Variants in VSTM4 observed in about 807,000 individuals in gnomAD.
VSTM4 encodes V-set and transmembrane domain containing 4, also known as V-set and transmembrane domain-containing protein 4.
VSTM4 carries 20 observed loss-of-function variants against 36.4 expected under a neutral mutation model. That is an observed-to-expected ratio of 0.55 (90% CI 0.39 to 0.80). The LOEUF is 0.80. Among genes scored for constraint, VSTM4 ranks in the 30% least tolerant of loss-of-function variants. The pLI is 0.00. For missense variants in VSTM4, 392 were observed against 404.5 expected, an observed-to-expected ratio of 0.97 and a Z score of 0.26; for synonymous variants, 182 against 173.9, an observed-to-expected ratio of 1.05 and a Z score of -0.37.
At chr10:49,027,890 A>T (rs1439265690) in intron 7 of VSTM4, among the ~76,000 whole-genome samples, 1 of 152,202 alleles carries the variant, frequency 6.6e-6, no homozygotes, top group East Asian at 1.9e-4. Context: ...AGTTGTTATA[A>T]ACGTTCAAAT....
intron 7 of VSTM4, among the ~76,000 whole-genome samples, chr10:49,040,498 C>T (rs116076535): frequency 2.2e-3 from 329 of 152,140 alleles, no homozygotes; most frequent in African/African-American, 7.5e-3. Flanking sequence ...ATTGGCCGGG[C>T]GAGTCTCAAA....
chr10:49,081,985 C>T (rs1387203130), intron 3 of VSTM4, among the ~76,000 whole-genome samples: 1 of 152,192 alleles, frequency 6.6e-6, no homozygotes, highest in Non-Finnish European at 1.5e-5. Flanking sequence ...GATAACCACC[C>T]TGCTGTGTCC....
intron 3 of VSTM4, among the ~76,000 whole-genome samples, chr10:49,085,349 T>C (rs1844351905): frequency 6.6e-6 from 1 of 152,260 alleles, no homozygotes; most frequent in South Asian, 2.1e-4. Context: ...CAGGCATTCA[T>C]GTTCTTAACA....
At chr10:49,103,627 C>T in intron 2 of VSTM4, 1 of 1,505,322 alleles carries the variant, frequency 6.6e-7, no homozygotes. Context: ...TATATCATCG[C>T]AAGTCACCCT....
intron 2 of VSTM4, among the ~76,000 whole-genome samples, chr10:49,100,592 A>C (rs1324747721): frequency 2.0e-5 from 3 of 152,114 alleles, no homozygotes; most frequent in African/African-American, 4.8e-5. Context: ...TAAAAAAAAA[A>C]CCCTGACTAC....
At chr10:49,072,054 G>A (rs1338971893) in intron 4 of VSTM4, among the ~76,000 whole-genome samples, 1 of 152,242 alleles carries the variant, frequency 6.6e-6, no homozygotes, top group African/African-American at 2.4e-5. Context: ...AAAGTTAAGA[G>A]TGTTGCAGGT....
At chr10:49,105,359 C>T (rs1180005941) in intron 2 of VSTM4, among the ~76,000 whole-genome samples, 2 of 113,904 alleles carry the variant, frequency 1.8e-5, no homozygotes, top group Admixed American at 8.7e-5. Flanking sequence ...AGAGATATAC[C>T]AAGAGACAGA....
At chr10:49,095,642 A>G (rs151037829) in intron 2 of VSTM4, among the ~76,000 whole-genome samples, 550 of 152,282 alleles carry the variant, frequency 3.6e-3, no homozygotes, top group Non-Finnish European at 6.3e-3. Context: ...CTGTGCCCCA[A>G]GCGAAGTCCC....
At chr10:49,064,185 T>C (rs1229941545) in intron 5 of VSTM4, 3 of 153,234 alleles carry the variant, frequency 2.0e-5, no homozygotes, top group African/African-American at 7.2e-5. Context: ...GTTTAAAGCT[T>C]TACTCAGCAG....
At chr10:49,105,719 A>G (rs1334184281) in intron 2 of VSTM4, among the ~76,000 whole-genome samples, 1 of 152,164 alleles carries the variant, frequency 6.6e-6, no homozygotes, top group East Asian at 1.9e-4. Flanking sequence ...AAGCTTTTAT[A>G]TGCTTTATTT....
At chr10:49,022,603 AC>A (rs1307709133) in intron 7 of VSTM4, among the ~76,000 whole-genome samples, 1 of 151,970 alleles carries the variant, frequency 6.6e-6, no homozygotes, top group Non-Finnish European at 1.5e-5. Flanking sequence ...GCCTTTTGAC[AC>A]CAAAAGTCTT....
At chr10:49,068,815 C>T (rs964720653) in intron 4 of VSTM4, among the ~76,000 whole-genome samples, 6 of 152,098 alleles carry the variant, frequency 3.9e-5, no homozygotes, top group East Asian at 3.9e-4. Context: ...ATAAAGGGTG[C>T]GTAATGGAGC....
In VSTM4 at chr10:49,017,992, G is replaced by C. The variant is rs1246033091; in HGVS notation, c.*1658C>G. 1 of 152,218 alleles carries C rather than the reference G, an allele frequency of 6.6e-6. No homozygotes were observed. Among genetic ancestry groups the C allele is most frequent in the Non-Finnish European group, 1.5e-5 (1 of 68,040 alleles). 9.4% of individuals were successfully genotyped at this position (152,218 alleles called of 1,614,324 possible). On this transcript the variant is annotated 3_prime_UTR_variant, in exon 8 of 8. Coordinates refer to ENST00000332853, the MANE Select transcript of VSTM4 (RefSeq NM_001031746.5). ...TTCAGTGCCTTCGAGATCTGGCAGA[G>C]AGGGAGGAATGAGACACAGGTGTTA...
chr10:49,044,442 GAAGGA>G (rs1234036434), intron 7 of VSTM4, among the ~76,000 whole-genome samples: 9 of 142,504 alleles, frequency 6.3e-5, no homozygotes, highest in African/African-American at 2.3e-4. Flanking sequence ...AAGAAGGAAG[GAAGGA>G]GAGAAAGAAA....
Position 49,115,515 on chromosome 10 carries a change from G to C in VSTM4, c.-30C>G, listed in dbSNP as rs1844981471. The C allele has an allele frequency of 6.1e-6, 6 of 982,132 alleles. No individual in the cohort carries two copies. In the African/African-American group the frequency reaches 7.1e-5, roughly 12 times the overall value. The allele number at this position is 982,132 out of a possible 1,614,324, so 60.8% of individuals were successfully genotyped here. On this transcript the variant is annotated 5_prime_UTR_variant, in exon 1 of 8. Transcript: ENST00000332853. ...CCGCCGCCGCCCGGCGCTGTGACGC[G>C]GGAGAGCGCCGCCGCCTGGCCCGGC... is the stretch of plus-strand genomic sequence containing the variant.
At chr10:49,079,049 C>G (rs1844231526) in intron 3 of VSTM4, among the ~76,000 whole-genome samples, 1 of 152,060 alleles carries the variant, frequency 6.6e-6, no homozygotes. Flanking sequence ...CCAGGTTGGT[C>G]TTGAACTCCT....
intron 5 of VSTM4, among the ~76,000 whole-genome samples, chr10:49,058,784 C>T (rs963034915): frequency 6.6e-6 from 1 of 152,202 alleles, no homozygotes; most frequent in African/African-American, 2.4e-5. Context: ...TGGTCTCTTC[C>T]GGAGGCCCTT....
intron 5 of VSTM4, among the ~76,000 whole-genome samples, chr10:49,061,496 C>T (rs4128908): frequency 0.5 from 76,433 of 151,984 alleles, 22,533 homozygotes; most frequent in African/African-American, 0.82. Context: ...AGGATCTAAC[C>T]AAAACTATAG....
At position 49,025,986 on chromosome 10, in the gene VSTM4, C is replaced by G. The variant is rs1443615082; in HGVS notation, c.838-6211G>C. On this transcript the variant is annotated intron_variant, in intron 7 of 7. Transcript: ENST00000332853. Reference sequence around the variant, plus strand: ...AAAATGACATGCAGAAGCAGCCCCACCTGAGGAAGAGACTGGGCTGAGGTT... The same window carrying G: ...AAAATGACATGCAGAAGCAGCCCCAGCTGAGGAAGAGACTGGGCTGAGGTT... 2.6e-5 allele frequency among the ~76,000 whole-genome samples: 4 copies of G among 152,302 alleles called. No individual in the cohort carries two copies. The East Asian group carries it at 7.7e-4, about 29-fold the overall frequency.
Sources: allele counts gnomAD v4.1 joint callset (sites outside exome capture counted in the v4.1 genomes callset), GRCh38; gene constraint gnomAD v4.1.1; transcripts MANE v1.5; gene names NCBI Gene and HGNC (gene_info 2026-07-23, HGNC 2026-07-21).